Variants in FMN2 observed in about 807,000 individuals in gnomAD.
The protein encoded by FMN2 is formin 2, also known as formin-2.
FMN2 carries 51 observed loss-of-function variants against 142.3 expected under a neutral mutation model. The observed-to-expected ratio is 0.36, with a 90% CI of 0.29 to 0.45. The LOEUF (loss-of-function observed/expected upper bound fraction) is 0.45. FMN2 is among the 20% of genes least tolerant of loss of function. The pLI is 1.00. For synonymous variants in FMN2, 882 were observed against 869.8 expected (o/e 1.01, Z -0.25); for missense variants, 1,936 against 2,122.8 (o/e 0.91, Z 1.73).
At chr1:240,289,561 C>T (rs1391248528) in intron 7 of FMN2, among the ~76,000 whole-genome samples, 3 of 151,880 alleles carry the variant, frequency 2.0e-5, no homozygotes, top group Admixed American at 6.6e-5. Flanking sequence ...TACCTGTTGT[C>T]CCCGCCACAT....
intron 14 of FMN2, among the ~76,000 whole-genome samples, chr1:240,374,633 G>A (rs1464135056): frequency 6.6e-6 from 1 of 152,178 alleles, no homozygotes; most frequent in Non-Finnish European, 1.5e-5. Context: ...TACAATTGAA[G>A]AGAACTAGGG....
intron 6 of FMN2, among the ~76,000 whole-genome samples, chr1:240,234,323 A>T (rs1284079975): frequency 6.6e-6 from 1 of 152,120 alleles, no homozygotes; most frequent in Non-Finnish European, 1.5e-5. Context: ...GAGGAGAAAA[A>T]GGTGAGAAGG....
chr1:240,107,321 A>G (rs1661651919), intron 1 of FMN2, among the ~76,000 whole-genome samples: 1 of 152,096 alleles, frequency 6.6e-6, no homozygotes, highest in Non-Finnish European at 1.5e-5. Flanking sequence ...TCGGAGAGTC[A>G]ATGATGTATG....
intron 2 of FMN2, among the ~76,000 whole-genome samples, chr1:240,159,161 G>A (rs531456318): frequency 3.3e-5 from 5 of 151,788 alleles, no homozygotes; most frequent in African/African-American, 1.2e-4. Context: ...TTGTCCAACT[G>A]CTACAAAATT....
chr1:240,282,934 G>A (rs959967763), intron 7 of FMN2, among the ~76,000 whole-genome samples: 6 of 152,142 alleles, frequency 3.9e-5, no homozygotes, highest in African/African-American at 1.2e-4. Context: ...AGTTTTTAAT[G>A]TAACTGCCCA....
chr1:240,285,880 T>A (rs1669572793), intron 7 of FMN2, among the ~76,000 whole-genome samples: 1 of 152,058 alleles, frequency 6.6e-6, no homozygotes. Context: ...TGGAAGAGTT[T>A]TACTGCTTTA....
intron 1 of FMN2, among the ~76,000 whole-genome samples, chr1:240,116,234 CTTCA>C (rs1475534587): frequency 6.6e-6 from 1 of 152,202 alleles, no homozygotes; most frequent in Non-Finnish European, 1.5e-5. Flanking sequence ...TCTTCAGAGG[CTTCA>C]CGTAGCTGCC....
At chr1:240,382,783 C>A (rs562417976) in intron 14 of FMN2, among the ~76,000 whole-genome samples, 2 of 151,732 alleles carry the variant, frequency 1.3e-5, no homozygotes, top group South Asian at 2.1e-4. Flanking sequence ...CATATGGAGC[C>A]AAAACTGAGC....
At position 240,178,207 on chromosome 1, in the gene FMN2, T is replaced by C. The variant is rs190043941; in HGVS notation, c.1930+139T>C. 1,172 of 978,582 alleles carry C rather than the reference T, an allele frequency of 1.2e-3. 26 individuals carry two copies. In the South Asian group the frequency reaches 0.026, roughly 22 times the overall value. 60.6% of individuals were successfully genotyped at this position (978,582 alleles called of 1,614,324 possible). On this transcript the variant is annotated intron_variant, in intron 3 of 17. Coordinates refer to ENST00000319653, the MANE Select transcript of FMN2 (RefSeq NM_020066.5). ...ATATAATCTTCAAAAAGTTTTTACT[T>C]TGGGGTCTTTTCTCTCTTTGTTCCT... is the stretch of plus-strand genomic sequence containing the variant.
At chr1:240,198,045 G>A (rs568867235) in intron 4 of FMN2, among the ~76,000 whole-genome samples, 3 of 152,116 alleles carry the variant, frequency 2.0e-5, no homozygotes, top group Non-Finnish European at 2.9e-5. Flanking sequence ...CAAGGGAGGC[G>A]ATTAGGAGGT....
intron 14 of FMN2, among the ~76,000 whole-genome samples, chr1:240,379,786 T>C (rs1673165223): frequency 6.6e-6 from 1 of 152,110 alleles, no homozygotes; most frequent in Admixed American, 6.6e-5. Flanking sequence ...TCAATTAAGT[T>C]GATAAAGGAT....
intron 8 of FMN2, among the ~76,000 whole-genome samples, chr1:240,300,720 G>A (rs936051601): frequency 5.3e-5 from 8 of 152,136 alleles, no homozygotes; most frequent in African/African-American, 1.4e-4. Context: ...AGTTTGCTAA[G>A]ATCAGTGCTA....
chr1:240,241,226 G>C (rs1247772311), intron 6 of FMN2, among the ~76,000 whole-genome samples: 2 of 142,610 alleles, frequency 1.4e-5, no homozygotes, highest in Non-Finnish European at 3.0e-5. Flanking sequence ...TTCAACTCTG[G>C]ATTTTTTTTT....
rs140100038 is a variant in FMN2, at chr1:240,240,277, A to T, written c.4066-17668A>T. 4.5e-4 allele frequency among the ~76,000 whole-genome samples: 68 copies of T among 152,268 alleles called. 1 individual carries two copies. The highest frequency in any genetic ancestry group is 1.4e-3 in the African/African-American group (57 of 41,556). The stretch of plus-strand genomic sequence containing the variant: ...GCCACTTTATGGATATGTGACCTTG[A>T]ACAGCCACTTCTGCTGTAAAATGTG... On this transcript the variant is annotated intron_variant, in intron 6 of 17. Transcript: ENST00000319653.
intron 7 of FMN2, among the ~76,000 whole-genome samples, chr1:240,266,701 A>G (rs1281724813): frequency 6.6e-6 from 1 of 152,068 alleles, no homozygotes; most frequent in African/African-American, 2.4e-5. Flanking sequence ...TTGGTAGAAC[A>G]ATTTATTATT....
chr1:240,428,244 T>C (rs930365263), intron 15 of FMN2, among the ~76,000 whole-genome samples: 10 of 152,120 alleles, frequency 6.6e-5, no homozygotes, highest in African/African-American at 2.4e-4. Flanking sequence ...TTTTTTTTTT[T>C]TTAAATACAG....
At chr1:240,153,218 A>G (rs1663858382) in intron 2 of FMN2, among the ~76,000 whole-genome samples, 1 of 152,132 alleles carries the variant, frequency 6.6e-6, no homozygotes, top group African/African-American at 2.4e-5. Context: ...TAAAGGGGCT[A>G]TGGCAATGCC....
In FMN2 at chr1:240,475,088, A is replaced by G. The variant is rs1572351592; in HGVS notation, c.*934A>G. The G allele has an allele frequency of 6.6e-6, 1 of 152,544 alleles. No individual in the cohort carries two copies. The highest frequency in any genetic ancestry group is 1.5e-5 in the Non-Finnish European group (1 of 68,014). The allele number at this position is 152,544 out of a possible 1,614,324, so 9.4% of individuals were successfully genotyped here. Reference sequence around the variant, plus strand: ...AATAGGGCATTTAACAAAGATCGCTATGTGCAATACTGTATTTAGTGTTTC... The same window carrying G: ...AATAGGGCATTTAACAAAGATCGCTGTGTGCAATACTGTATTTAGTGTTTC... On this transcript the variant is annotated 3_prime_UTR_variant, in exon 18 of 18. Coordinates refer to ENST00000319653, the MANE Select transcript of FMN2 (RefSeq NM_020066.5).
Position 240,452,880 on chromosome 1 carries a change from A to G in FMN2, c.5060+14670A>G, listed in dbSNP as rs571550958. Among the ~76,000 whole-genome samples the G allele has an allele frequency of 3.3e-5, 5 of 152,264 alleles. No individual in the cohort carries two copies. The East Asian group carries it at 7.7e-4, about 24-fold the overall frequency. The stretch of plus-strand genomic sequence containing the variant: ...ATAATTCTATACTGAGTATGTACAC[A>G]AGTTTATTTCCTACAACCTCTGATT... On this transcript the variant is annotated intron_variant, in intron 16 of 17. Transcript: ENST00000319653.
Sources: gnomAD v4.1 joint callset for allele counts (sites outside exome capture counted in the v4.1 genomes callset) on GRCh38, gnomAD v4.1.1 for gene constraint, MANE v1.5 for transcripts, NCBI Gene and HGNC (gene_info 2026-07-23, HGNC 2026-07-21) for gene names.